The following CSF1R variants were observed in gnomAD, a reference collection of about 807,000 sequenced individuals.
CSF1R encodes the protein macrophage colony-stimulating factor 1 receptor.
Under a neutral mutation model 110.0 loss-of-function variants are expected in CSF1R, and 40 were observed. The observed-to-expected ratio is 0.36, with a 90% CI of 0.28 to 0.47. The LOEUF (loss-of-function observed/expected upper bound fraction) is 0.47, where lower values mean the gene tolerates loss of function less well. Among genes scored for constraint, CSF1R ranks in the 20% least tolerant of loss-of-function variants. The probability of loss-of-function intolerance (pLI) is 0.99; values close to 1 mark genes in which losing one functional copy is unlikely to be tolerated. For missense variants in CSF1R, 1,052 were observed against 1,253.0 expected (o/e 0.84, Z 2.42); for synonymous variants, 523 against 503.4 (o/e 1.04, Z -0.52).
At chr5:150,113,091 G>C (rs888458513) in intron 1 of CSF1R, among the ~76,000 whole-genome samples, 1 of 152,142 alleles carries the variant, frequency 6.6e-6, no homozygotes, top group African/African-American at 2.4e-5. Flanking sequence ...GCCCTGTGTT[G>C]CTGCCGGGGT....
intron 4 of CSF1R, 54 bp downstream of exon 4, chr5:150,078,058 C>T: frequency 1.9e-6 from 3 of 1,606,720 alleles, no homozygotes; most frequent in Non-Finnish European, 1.7e-6. Context: ...CCATGGGAAA[C>T]CTGGTGTGCT....
At chr5:150,104,648 C>T (rs1759493465) in intron 1 of CSF1R, among the ~76,000 whole-genome samples, 1 of 152,182 alleles carries the variant, frequency 6.6e-6, no homozygotes, top group Admixed American at 6.5e-5. Flanking sequence ...GAAGAGCAAA[C>T]CAAGGCTCAG....
At position 150,056,171 on chromosome 5, in the gene CSF1R, G is replaced by A. The variant is rs6880954; in HGVS notation, c.2443-34C>T. ...ACAGTCCCCAGTTATTTTGGGCCCC[G>A]ACTCTTCACCCCCTCCCCAGCCTGG... On this transcript the variant is annotated intron_variant, in intron 17 of 20. Transcript: ENST00000675795. 598 of 1,614,106 alleles carry A rather than the reference G, an allele frequency of 3.7e-4. 2 individuals are homozygous for A. The African/African-American group carries it at 5.6e-3, about 15-fold the overall frequency.
At chr5:150,074,673 C>T (rs1206047622) in intron 5 of CSF1R, among the ~76,000 whole-genome samples, 1 of 152,164 alleles carries the variant, frequency 6.6e-6, no homozygotes, top group Non-Finnish European at 1.5e-5. Flanking sequence ...AGCTCCTCTC[C>T]TTACTCTATT....
Position 150,060,985 on chromosome 5 carries a change from A to T in CSF1R, c.1859-13T>A. The T allele has an allele frequency of 1.3e-6, 2 of 1,571,228 alleles. No individual in the cohort carries two copies. Among genetic ancestry groups the T allele is most frequent in the Non-Finnish European group, 1.7e-6 (2 of 1,152,528 alleles). ...GCATGGGCCGTGGCTGGGAGGAAGAACCACAGTCCCAAAGACAGGGAGAGG... is the reference window on the plus strand; with the variant it reads ...GCATGGGCCGTGGCTGGGAGGAAGATCCACAGTCCCAAAGACAGGGAGAGG... On this transcript the variant is annotated splice_polypyrimidine_tract_variant and intron_variant, in intron 12 of 20. Coordinates refer to ENST00000675795, the MANE Select transcript of CSF1R (RefSeq NM_001288705.3).
intron 6 of CSF1R, among the ~76,000 whole-genome samples, chr5:150,071,106 G>A (rs935955939): frequency 6.6e-6 from 1 of 152,134 alleles, no homozygotes; most frequent in African/African-American, 2.4e-5. Context: ...GAGTGATATC[G>A]ATGGTTATTA....
chr5:150,066,353 C>T (rs1757770528), intron 10 of CSF1R, among the ~76,000 whole-genome samples: 1 of 152,214 alleles, frequency 6.6e-6, no homozygotes, highest in Non-Finnish European at 1.5e-5. Flanking sequence ...CCAACTTTCT[C>T]ATCATCCCAT....
chr5:150,073,938 C>G (rs929528405), intron 5 of CSF1R, among the ~76,000 whole-genome samples: 9 of 152,174 alleles, frequency 5.9e-5, no homozygotes, highest in Non-Finnish European at 1.3e-4. Flanking sequence ...TAACCCAGGC[C>G]AACCAGTGAG....
rs2113773937 is a variant in CSF1R, at chr5:150,054,373, C to T, written c.2712G>A (p.Gln904=). The T allele has an allele frequency of 6.2e-7, 1 of 1,614,046 alleles. No individual in the cohort carries two copies. Among genetic ancestry groups the T allele is most frequent in the South Asian group, 1.1e-5 (1 of 91,054 alleles). Residue 904 remains glutamine, a synonymous_variant, in exon 20 of 21, where the codon CAG becomes CAA. Transcript: ENST00000675795. The part of the protein sequence containing the change: ...ALEPTHRPTF[Q]QICSFLQEQA... ...GCTCCTGAAGGAAGGAGCAGATCTG[C>T]TGGAAGGTGGGTCTGTGGGTGGGCT...
intron 10 of CSF1R, among the ~76,000 whole-genome samples, chr5:150,065,598 G>A (rs1484410906): frequency 2.0e-5 from 3 of 152,214 alleles, no homozygotes; most frequent in Non-Finnish European, 2.9e-5. Context: ...GCAAGGCTCC[G>A]AACCTCATGG....
intron 10 of CSF1R, among the ~76,000 whole-genome samples, chr5:150,065,463 C>A (rs1757723280): frequency 6.6e-6 from 1 of 152,228 alleles, no homozygotes; most frequent in African/African-American, 2.4e-5. Context: ...CCCTTGTGGT[C>A]ACTCTGGGGG....
At chr5:150,102,046 A>C (rs1254109040) in intron 1 of CSF1R, among the ~76,000 whole-genome samples, 5 of 152,088 alleles carry the variant, frequency 3.3e-5, no homozygotes, top group Admixed American at 2.6e-4. Context: ...ACAAATGGAC[A>C]CTCTAGTTCC....
chr5:150,090,013 A>G (rs1300837803), upstream of CSF1R, among the ~76,000 whole-genome samples: 1 of 152,220 alleles, frequency 6.6e-6, no homozygotes. Flanking sequence ...TTTACATCAC[A>G]TATAAAAATT....
chr5:150,086,783 T>C (rs113730701), upstream of CSF1R, among the ~76,000 whole-genome samples: 4 of 152,198 alleles, frequency 2.6e-5, no homozygotes, highest in African/African-American at 9.6e-5. Flanking sequence ...AGAAGAGACA[T>C]GTCCAAGAGC....
chr5:150,103,747 C>A (rs1759470035), intron 1 of CSF1R, among the ~76,000 whole-genome samples: 1 of 152,088 alleles, frequency 6.6e-6, no homozygotes, highest in Non-Finnish European at 1.5e-5. Context: ...AGCATAGGGG[C>A]AGAGAGGGTG....
In CSF1R at chr5:150,080,829, T is replaced by C. The variant is rs1758505072; in HGVS notation, c.245A>G (p.Tyr82Cys). The C allele has an allele frequency of 6.2e-7, 1 of 1,614,070 alleles. No homozygotes were observed. The highest frequency in any genetic ancestry group is 1.3e-5 in the African/African-American group (1 of 74,922). ...NNATFQNTGTYRCTEPGDPLG... is the reference protein window; with the variant it reads ...NNATFQNTGTCRCTEPGDPLG... The stretch of plus-strand genomic sequence containing the variant: ...GGGGTCTCCAGGCTCAGTGCAGCGA[T>C]AGGTCCCCGTGTTTTGGAAGGTAGC... The change falls in exon 2 of 21, where the codon TAT becomes TGT. Residue 82 changes from tyrosine to cysteine, a missense_variant. Tyr to Cys is a radical substitution (Grantham distance 194, BLOSUM62 -2). Coordinates refer to ENST00000675795, the MANE Select transcript of CSF1R (RefSeq NM_001288705.3).
intron 1 of CSF1R, among the ~76,000 whole-genome samples, chr5:150,085,282 A>AAAAAAAAAAAAAAAAAC (rs1283969545): frequency 1.3e-5 from 2 of 149,930 alleles, no homozygotes; most frequent in African/African-American, 4.9e-5. Context: ...CTCAGGAAAA[A>AAAAAAAAAAAAAAAAAC]AAAAAAAAAA....
intron 10 of CSF1R, among the ~76,000 whole-genome samples, chr5:150,066,032 A>G (rs216145): frequency 0.8 from 122,080 of 152,148 alleles, 49,320 homozygotes; most frequent in African/African-American, 0.91. Flanking sequence ...GAGAAGGAAC[A>G]GGTGGCCCCG....
At chr5:150,068,717 G>T (rs1019687891) in intron 9 of CSF1R, among the ~76,000 whole-genome samples, 1 of 152,156 alleles carries the variant, frequency 6.6e-6, no homozygotes, top group Non-Finnish European at 1.5e-5. Context: ...AGGCCTTCTG[G>T]AGGTCACACT....
Sources: allele counts gnomAD v4.1 joint callset (sites outside exome capture counted in the v4.1 genomes callset), GRCh38; gene constraint gnomAD v4.1.1; transcripts MANE v1.5; gene names NCBI Gene and HGNC (gene_info 2026-07-23, HGNC 2026-07-21).